TNFRSF8: variants seen among roughly 807,000 people sequenced by gnomAD.
TNFRSF8 encodes tumor necrosis factor receptor superfamily member 8.
TNFRSF8 carries 26 observed loss-of-function variants against 70.8 expected under a neutral mutation model. The ratio of observed to expected loss-of-function variants is 0.37; its 90% CI spans 0.27 to 0.51. The LOEUF is 0.51. Ranked by LOEUF, TNFRSF8 falls within the 20% of genes least tolerant of loss-of-function variation. TNFRSF8 has a pLI of 0.94. For synonymous variants in TNFRSF8, 356 were observed against 339.2 expected, an observed-to-expected ratio of 1.05 and a Z score of -0.54; for missense variants, 720 against 807.9, an observed-to-expected ratio of 0.89 and a Z score of 1.32.
chr1:12,100,219 C>T (rs945822379), intron 3 of TNFRSF8, among the ~76,000 whole-genome samples: 1 of 151,822 alleles, frequency 6.6e-6, no homozygotes, highest in Non-Finnish European at 1.5e-5. Flanking sequence ...TTGTACAGGG[C>T]ACTTACCGTG....
rs546339565 is a variant in TNFRSF8 at position 12,110,629 on chromosome 1, G to A, written c.676+425G>A. Among the ~76,000 whole-genome samples the A allele has an allele frequency of 2.4e-4, 36 of 152,084 alleles. No homozygotes were observed. Among genetic ancestry groups the A allele is most frequent in the South Asian group, 1.2e-3 (6 of 4,810 alleles). ...TTTCTTTTTTTTGAGACGGAGTTTCGCTCATGTTGCCCAGGCTGGAGTGCA... is the reference window on the plus strand; with the variant it reads ...TTTCTTTTTTTTGAGACGGAGTTTCACTCATGTTGCCCAGGCTGGAGTGCA... On this transcript the variant is annotated intron_variant, in intron 6 of 14. Transcript: ENST00000263932. This position sits in a 1 kb window ranked among gnomAD's most constrained non-coding sequence, Gnocchi z 4.0.
In TNFRSF8 at chr1:12,109,051, C is replaced by A. The variant is rs561415139; in HGVS notation, c.422-515C>A. 6.6e-6 allele frequency among the ~76,000 whole-genome samples: 1 copy of A among 152,168 alleles called. No homozygotes were observed. Among genetic ancestry groups the A allele is most frequent in the South Asian group, 2.1e-4 (1 of 4,828 alleles). ...TTCAGGCATGGCTGGATCCAGGGCT[C>A]CATCTTGCCCCATCTCTCACCTCTA... On this transcript the variant is annotated intron_variant, in intron 4 of 14. Coordinates refer to ENST00000263932, the MANE Select transcript of TNFRSF8 (RefSeq NM_001243.5). The surrounding 1 kb of genome is among the most constrained non-coding windows in gnomAD (Gnocchi z 4.4).
At chr1:12,131,375 G>C (rs1435307476) in intron 12 of TNFRSF8, among the ~76,000 whole-genome samples, 1 of 152,192 alleles carries the variant, frequency 6.6e-6, no homozygotes, top group East Asian at 1.9e-4. Context: ...TCTTGAACCT[G>C]GGAGGTGGAG....
intron 1 of TNFRSF8, among the ~76,000 whole-genome samples, chr1:12,064,969 T>C (rs1047437575): frequency 1.3e-5 from 2 of 151,738 alleles, no homozygotes; most frequent in Admixed American, 6.6e-5. Flanking sequence ...TTCCTTTCTG[T>C]AGAGTGAAGC....
chr1:12,110,518 C>T lies in TNFRSF8; in HGVS notation c.676+314C>T, dbSNP rs1328109519. ...TCCCACTCTGCTGTTGTGACACTTG[C>T]GACTCAGCTGGCCAGCCTCTGCACG... On this transcript the variant is annotated intron_variant, in intron 6 of 14. Transcript: ENST00000263932. This position sits in a 1 kb window ranked among gnomAD's most constrained non-coding sequence, Gnocchi z 4.0. Among the ~76,000 whole-genome samples the T allele has an allele frequency of 3.3e-5, 5 of 152,200 alleles. No individual in the cohort carries two copies. The highest frequency in any genetic ancestry group is 1.2e-4 in the African/African-American group (5 of 41,450).
At position 12,104,440 on chromosome 1, in the gene TNFRSF8, C is replaced by A; in HGVS notation, c.330C>A (p.Pro110=). Residue 110 remains proline, a synonymous_variant, in exon 4 of 15, where the codon CCC becomes CCA. Coordinates refer to ENST00000263932, the MANE Select transcript of TNFRSF8 (RefSeq NM_001243.5). ...WNSSRVCECR[P]GMFCSTSAVN... is the part of the protein sequence containing the mutation. ...CCTCCCGTGTCTGCGAATGTCGACC[C>A]GGCATGTTCTGTTCCACGTCTGCCG... 1 of 1,614,168 alleles carries A rather than the reference C, an allele frequency of 6.2e-7. No individual in the cohort carries two copies. The highest frequency in any genetic ancestry group is 8.5e-7 in the Non-Finnish European group (1 of 1,180,038).
intron 1 of TNFRSF8, among the ~76,000 whole-genome samples, chr1:12,074,536 TC>T (rs1156858829): frequency 6.6e-6 from 1 of 152,128 alleles, no homozygotes; most frequent in Non-Finnish European, 1.5e-5. Flanking sequence ...CGCCTCGGCC[TC>T]CCAAAGTGCT....
chr1:12,089,094 C>T (rs899959034), intron 2 of TNFRSF8, among the ~76,000 whole-genome samples: 4 of 151,684 alleles, frequency 2.6e-5, no homozygotes, highest in African/African-American at 7.3e-5. Context: ...GAGATTCTAT[C>T]TCGAAAAAAA....
intron 1 of TNFRSF8, among the ~76,000 whole-genome samples, chr1:12,073,100 C>T (rs114629142): frequency 0.023 from 3,450 of 152,196 alleles, 120 homozygotes; most frequent in African/African-American, 0.079. Flanking sequence ...ACAGCCTGGG[C>T]AACAAAAAAT....
chr1:12,123,382 C>T lies in TNFRSF8; in HGVS notation c.1040+5C>T, dbSNP rs1276850395. 6.2e-7 allele frequency: 1 copy of T among 1,602,522 alleles called. No homozygotes were observed. The highest frequency in any genetic ancestry group is 8.5e-7 in the Non-Finnish European group (1 of 1,174,670). On this transcript the variant is annotated splice_donor_5th_base_variant and intron_variant, in intron 9 of 14. Coordinates refer to ENST00000263932, the MANE Select transcript of TNFRSF8 (RefSeq NM_001243.5). Reference sequence around the variant, plus strand: ...GAATGGCGAGGCGCCTGCCAGGTGACTCCCCCACCCCTTCTCTCTGTTTGG... The same window carrying T: ...GAATGGCGAGGCGCCTGCCAGGTGATTCCCCCACCCCTTCTCTCTGTTTGG...
chr1:12,138,339 CCTGCCG>C lies in TNFRSF8; in HGVS notation c.1451_1456del (p.Pro484_Leu485del). The C allele has an allele frequency of 6.2e-7, 1 of 1,613,762 alleles. No individual in the cohort carries two copies. Among genetic ancestry groups the C allele is most frequent in the Non-Finnish European group, 8.5e-7 (1 of 1,179,954 alleles). On this transcript the variant is annotated inframe_deletion, in exon 14 of 15. Coordinates refer to ENST00000263932, the MANE Select transcript of TNFRSF8 (RefSeq NM_001243.5). The surrounding 1 kb of genome is among the most constrained non-coding windows in gnomAD (Gnocchi z 5.7). Reference sequence around the variant, plus strand: ...GCGTGGGGGCAGCCTACCTGGAGAGCCTGCCGCTGCAGGATGCCAGCCCGGCCGGGG... The same window carrying C: ...GCGTGGGGGCAGCCTACCTGGAGAGCCTGCAGGATGCCAGCCCGGCCGGGG...
At chr1:12,066,321 C>G (rs1205703309) in intron 1 of TNFRSF8, among the ~76,000 whole-genome samples, 1 of 151,952 alleles carries the variant, frequency 6.6e-6, no homozygotes, top group Non-Finnish European at 1.5e-5. Context: ...AAAAAAAATC[C>G]CAAATTAGGG....
chr1:12,130,403 C>T (rs565931816), intron 12 of TNFRSF8, among the ~76,000 whole-genome samples: 10 of 152,276 alleles, frequency 6.6e-5, no homozygotes, highest in African/African-American at 2.2e-4. Flanking sequence ...GCTTTGAGCA[C>T]GTCCCTTATT....
chr1:12,106,740 G>A (rs927265982), intron 4 of TNFRSF8, among the ~76,000 whole-genome samples: 1 of 152,080 alleles, frequency 6.6e-6, no homozygotes, highest in African/African-American at 2.4e-5. Context: ...GGAGAGTGCT[G>A]GAGTGGACTG....
intron 1 of TNFRSF8, among the ~76,000 whole-genome samples, chr1:12,077,388 T>C (rs1640985476): frequency 6.6e-6 from 1 of 152,086 alleles, no homozygotes; most frequent in African/African-American, 2.4e-5. Flanking sequence ...AAGAGAGAGA[T>C]GTGATGTGAG....
intron 8 of TNFRSF8, among the ~76,000 whole-genome samples, chr1:12,117,175 C>T (rs1017194242): frequency 5.3e-5 from 8 of 152,038 alleles, no homozygotes; most frequent in Admixed American, 1.3e-4. Context: ...CTCCGTCTCC[C>T]GGGTTCAGGC....
rs780251741 is a variant in TNFRSF8, at chr1:12,097,111, G to A, written c.162G>A (p.Pro54=). 13 of 1,613,684 alleles carry A rather than the reference G, an allele frequency of 8.1e-6. No homozygotes were observed. In the Admixed American group the frequency reaches 2.0e-4, roughly 25 times the overall value. The change falls in exon 3 of 15, where the codon CCG becomes CCA. Residue 54 remains proline (P), a synonymous_variant. Transcript: ENST00000263932. Reference sequence around the variant, plus strand: ...TGTTTCTTTTCCCAGGGCTGTTCCCGACACAGCAGTGCCCACAGAGGCCTA... The same window carrying A: ...TGTTTCTTTTCCCAGGGCTGTTCCCAACACAGCAGTGCCCACAGAGGCCTA... ...CCYRCPMGLF[P]TQQCPQRPTD... is the part of the protein sequence containing the mutation.
intron 2 of TNFRSF8, among the ~76,000 whole-genome samples, chr1:12,086,269 T>C (rs1641151557): frequency 6.6e-6 from 1 of 152,228 alleles, no homozygotes; most frequent in Non-Finnish European, 1.5e-5. Flanking sequence ...AATTTGATGT[T>C]TTTGTATTTG....
rs1188128585 is a variant in TNFRSF8, at chr1:12,131,825, G to A, written c.1310-3763G>A. ...CATTTTTTTTTTGAGGCAGAGTCTC[G>A]CTCTGTTGCCCAGGTTGGAGTGCAA... On this transcript the variant is annotated intron_variant, in intron 12 of 14. Transcript: ENST00000263932. Among the ~76,000 whole-genome samples, 9 of 151,288 alleles carry A rather than the reference G, an allele frequency of 5.9e-5. No individual in the cohort carries two copies. In the East Asian group the frequency reaches 9.8e-4, roughly 17 times the overall value.
Sources: gnomAD v4.1 joint callset for allele counts (sites outside exome capture counted in the v4.1 genomes callset) on GRCh38, gnomAD v4.1.1 for gene constraint, Gnocchi (gnomAD v3.1) non-coding constraint, MANE v1.5 for transcripts, NCBI Gene and HGNC (gene_info 2026-07-23, HGNC 2026-07-21) for gene names.